Variants in ENPP6 observed in about 807,000 individuals in gnomAD.
ENPP6 encodes glycerophosphocholine cholinephosphodiesterase ENPP6.
In ENPP6, 32 loss-of-function variants were observed where a neutral mutation model predicts 42.0. The ratio of observed to expected loss-of-function variants is 0.76; its 90% CI spans 0.58 to 1.02. ENPP6 has a LOEUF of 1.02. Among genes scored for constraint, ENPP6 ranks in the 50% least tolerant of loss-of-function variants. The pLI is 0.00. For synonymous variants in ENPP6, 213 were observed against 216.0 expected (o/e 0.99, Z 0.12); for missense variants, 552 against 566.8 (o/e 0.97, Z 0.27).
At chr4:184,190,999 C>T (rs1198332651) in intron 1 of ENPP6, among the ~76,000 whole-genome samples, 3 of 152,198 alleles carry the variant, frequency 2.0e-5, no homozygotes. Flanking sequence ...GTTGCTTAGT[C>T]TGAAGGAAGC....
At chr4:184,099,727 C>A (rs908451585) in intron 6 of ENPP6, among the ~76,000 whole-genome samples, 16 of 152,186 alleles carry the variant, frequency 1.1e-4, no homozygotes, top group Non-Finnish European at 2.1e-4. Flanking sequence ...AGCTGTGGTT[C>A]GTGTTTTTCC....
Position 184,185,220 on chromosome 4 carries a change from G to T in ENPP6, c.242-31487C>A, listed in dbSNP as rs538087621. On this transcript the variant is annotated intron_variant, in intron 1 of 7. Transcript: ENST00000296741. ...AGGGTCATGGGTGGAGTTTGCCCAGGACAGTCCTGGTTTACACCGGTTGCT... is the reference window on the plus strand; with the variant it reads ...AGGGTCATGGGTGGAGTTTGCCCAGTACAGTCCTGGTTTACACCGGTTGCT... 7.9e-5 allele frequency among the ~76,000 whole-genome samples: 12 copies of T among 152,268 alleles called. No individual in the cohort carries two copies. The South Asian group carries it at 2.3e-3, about 29-fold the overall frequency.
intron 6 of ENPP6, among the ~76,000 whole-genome samples, chr4:184,100,970 T>C (rs146721793): frequency 1.3e-5 from 2 of 152,150 alleles, no homozygotes; most frequent in African/African-American, 2.4e-5. Context: ...CTGCTGGGCA[T>C]TGACTCCAGA....
intron 1 of ENPP6, among the ~76,000 whole-genome samples, chr4:184,154,759 A>T (rs1406717422): frequency 2.0e-5 from 3 of 152,216 alleles, no homozygotes; most frequent in East Asian, 1.9e-4. Context: ...TCCCAGCAAA[A>T]ATGGTTTTCA....
chr4:184,149,110 T>G (rs1736975293), intron 2 of ENPP6, among the ~76,000 whole-genome samples: 1 of 152,216 alleles, frequency 6.6e-6, no homozygotes, highest in South Asian at 2.1e-4. Context: ...AGACCACTTG[T>G]GTTTGCAGTG....
chr4:184,137,420 G>A (rs112585380), intron 2 of ENPP6, among the ~76,000 whole-genome samples: 1,551 of 152,258 alleles, frequency 0.01, 22 homozygotes, highest in South Asian at 0.04. Context: ...GGTCTATTCT[G>A]CTTTTTTTCT....
intron 6 of ENPP6, among the ~76,000 whole-genome samples, chr4:184,104,774 T>A (rs533925927): frequency 2.4e-4 from 37 of 152,320 alleles, no homozygotes; most frequent in African/African-American, 8.7e-4. Context: ...TATTTAATAA[T>A]TCATACCACC....
intron 6 of ENPP6, among the ~76,000 whole-genome samples, chr4:184,106,840 T>C (rs906952268): frequency 2.6e-5 from 4 of 152,190 alleles, no homozygotes; most frequent in Non-Finnish European, 5.9e-5. Flanking sequence ...GCCGTCGCTG[T>C]AGTCGGCACT....
chr4:184,179,454 T>C (rs1732514081), intron 1 of ENPP6, among the ~76,000 whole-genome samples: 2 of 151,916 alleles, frequency 1.3e-5, no homozygotes, highest in African/African-American at 4.8e-5. Flanking sequence ...ACTGTCAATA[T>C]TGAGACAGAA....
At chr4:184,214,263 A>T (rs2111127393) in intron 1 of ENPP6, among the ~76,000 whole-genome samples, 1 of 152,184 alleles carries the variant, frequency 6.6e-6, no homozygotes, top group Middle Eastern at 3.4e-3. Context: ...AAGAAAAAAG[A>T]TTCAATGTTC....
At chr4:184,212,552 A>G (rs1173204539) in intron 1 of ENPP6, among the ~76,000 whole-genome samples, 169 of 150,108 alleles carry the variant, frequency 1.1e-3, no homozygotes, top group African/African-American at 4.1e-3. Context: ...GGACCTCTTC[A>G]AGGAGAACTA....
intron 1 of ENPP6, among the ~76,000 whole-genome samples, chr4:184,204,676 TCC>T (rs1287778958): frequency 6.6e-6 from 1 of 152,226 alleles, no homozygotes; most frequent in Non-Finnish European, 1.5e-5. Context: ...GAGGTGACTC[TCC>T]TTCCAGGCCT....
At chr4:184,182,781 C>T (rs528611106) in intron 1 of ENPP6, among the ~76,000 whole-genome samples, 3 of 152,338 alleles carry the variant, frequency 2.0e-5, no homozygotes, top group South Asian at 4.1e-4. Flanking sequence ...ACCACATGTT[C>T]TCACTTACAA....
At chr4:184,145,540 C>T (rs185998196) in intron 2 of ENPP6, among the ~76,000 whole-genome samples, 19 of 152,366 alleles carry the variant, frequency 1.2e-4, no homozygotes, top group Admixed American at 1.2e-3. Flanking sequence ...ATTTTTGACA[C>T]ACCTGGCTAC....
At chr4:184,154,144 T>C (rs1737114214) in intron 1 of ENPP6, among the ~76,000 whole-genome samples, 1 of 152,256 alleles carries the variant, frequency 6.6e-6, no homozygotes, top group Non-Finnish European at 1.5e-5. Context: ...GCAATCTAGC[T>C]GTTATAGCGT....
chr4:184,144,940 G>A (rs556175211), intron 2 of ENPP6, among the ~76,000 whole-genome samples: 5 of 152,320 alleles, frequency 3.3e-5, no homozygotes, highest in East Asian at 3.9e-4. Context: ...CCACGGCCCC[G>A]GCCCTGGTTG....
At chr4:184,112,982 G>A (rs989586891) in intron 5 of ENPP6, among the ~76,000 whole-genome samples, 173 bp from the exon 6 acceptor site, 1 of 152,186 alleles carries the variant, frequency 6.6e-6, no homozygotes, top group African/African-American at 2.4e-5. Context: ...CAAAAAGCAA[G>A]GTGGCTTCAT....
chr4:184,116,784 G>C (rs902894499), intron 5 of ENPP6, 72 bp downstream of exon 5: 5 of 1,558,466 alleles, frequency 3.2e-6, no homozygotes, highest in Non-Finnish European at 4.3e-6. Flanking sequence ...AAACTACAAG[G>C]AAAAGACAGT....
chr4:184,136,156 A>T (rs1736727245), intron 2 of ENPP6, among the ~76,000 whole-genome samples: 1 of 150,124 alleles, frequency 6.7e-6, no homozygotes, highest in Non-Finnish European at 1.5e-5. Flanking sequence ...AAAGGGCCCC[A>T]GCGATGATAA....
Sources: allele counts gnomAD v4.1 joint callset (sites outside exome capture counted in the v4.1 genomes callset), GRCh38; gene constraint gnomAD v4.1.1; transcripts MANE v1.5; gene names NCBI Gene and HGNC (gene_info 2026-07-23, HGNC 2026-07-21).